Variants in OPCML observed in about 807,000 individuals in gnomAD.
The protein encoded by OPCML is opioid-binding protein/cell adhesion molecule.
Under a neutral mutation model 37.8 loss-of-function variants are expected in OPCML, and 13 were observed. The observed-to-expected ratio is 0.34, with a 90% confidence interval of 0.22 to 0.55. OPCML has a LOEUF of 0.55. OPCML is among the 20% of genes least tolerant of loss of function. The pLI is 0.91. For synonymous variants in OPCML, 176 were observed against 168.8 expected (o/e 1.04, Z -0.33); for missense variants, 341 against 435.6 (o/e 0.78, Z 1.93).
chr11:132,730,666 A>C (rs568642340), intron 2 of OPCML, among the ~76,000 whole-genome samples: 1 of 152,300 alleles, frequency 6.6e-6, no homozygotes, highest in East Asian at 1.9e-4. Context: ...CCTCAAAAGA[A>C]GACGTAATCT....
intron 4 of OPCML, among the ~76,000 whole-genome samples, chr11:132,503,306 C>T (rs1286097600): frequency 1.3e-5 from 2 of 152,230 alleles, no homozygotes; most frequent in East Asian, 3.9e-4. Flanking sequence ...TTATTAGTAC[C>T]TAGAACCAAC....
intron 1 of OPCML, among the ~76,000 whole-genome samples, chr11:133,113,506 G>A (rs1480375987): frequency 6.6e-6 from 1 of 152,170 alleles, no homozygotes; most frequent in Non-Finnish European, 1.5e-5. Flanking sequence ...TTCTTTAAAT[G>A]CCACTAAGCT....
At chr11:132,611,401 CT>C (rs1565709907) in intron 3 of OPCML, among the ~76,000 whole-genome samples, 1 of 152,190 alleles carries the variant, frequency 6.6e-6, no homozygotes, top group African/African-American at 2.4e-5. Context: ...CCTGTGACAC[CT>C]GCAACTAAAA....
At chr11:132,732,424 G>A (rs1197468418) in intron 2 of OPCML, among the ~76,000 whole-genome samples, 1 of 152,140 alleles carries the variant, frequency 6.6e-6, no homozygotes, top group Non-Finnish European at 1.5e-5. Flanking sequence ...AAATGGGGAG[G>A]TATTGATGGG....
At chr11:132,485,981 C>T (rs1305353002) in intron 4 of OPCML, among the ~76,000 whole-genome samples, 1 of 152,176 alleles carries the variant, frequency 6.6e-6, no homozygotes, top group Non-Finnish European at 1.5e-5. Context: ...CCAAAGTGCT[C>T]ACCCTGTTTT....
At chr11:133,261,856 G>T (rs750383379) in intron 1 of OPCML, among the ~76,000 whole-genome samples, 3 of 152,094 alleles carry the variant, frequency 2.0e-5, no homozygotes, top group Admixed American at 2.0e-4. Context: ...GGAATGCAGC[G>T]GGCAGGAGCA....
At chr11:132,844,795 T>A (rs1941448599) in intron 2 of OPCML, among the ~76,000 whole-genome samples, 1 of 152,048 alleles carries the variant, frequency 6.6e-6, no homozygotes, top group African/African-American at 2.4e-5. Context: ...ATGTGGCAAG[T>A]GAGAGTTGGT....
At chr11:133,445,629 A>C (rs1209940862) in intron 1 of OPCML, among the ~76,000 whole-genome samples, 1 of 152,222 alleles carries the variant, frequency 6.6e-6, no homozygotes, top group African/African-American at 2.4e-5. Context: ...GTAAAATTTA[A>C]CTTCAGTTGG....
chr11:132,589,014 T>C (rs2096479313), intron 3 of OPCML, among the ~76,000 whole-genome samples: 1 of 152,208 alleles, frequency 6.6e-6, no homozygotes, highest in African/African-American at 2.4e-5. Flanking sequence ...TCTGGGATTG[T>C]TTATTAGCAC....
intron 1 of OPCML, among the ~76,000 whole-genome samples, chr11:133,098,199 C>T (rs1949032408): frequency 6.6e-6 from 1 of 150,406 alleles, no homozygotes; most frequent in Admixed American, 6.6e-5. Flanking sequence ...CCCAGGTATG[C>T]AAGGCTGGTT....
chr11:133,493,120 C>T (rs12284032), intron 1 of OPCML, among the ~76,000 whole-genome samples: 6,301 of 152,290 alleles, frequency 0.041, 155 homozygotes, highest in South Asian at 0.086. Flanking sequence ...TGATGACAAG[C>T]GCAGGATTGA....
intron 1 of OPCML, among the ~76,000 whole-genome samples, chr11:132,962,372 T>C (rs1946112608): frequency 6.6e-6 from 1 of 152,116 alleles, no homozygotes; most frequent in African/African-American, 2.4e-5. Flanking sequence ...AGACCAAGAG[T>C]GTGCCTGGGA....
intron 1 of OPCML, among the ~76,000 whole-genome samples, chr11:133,171,904 C>T (rs1234183149): frequency 6.6e-6 from 1 of 152,096 alleles, no homozygotes; most frequent in South Asian, 2.1e-4. Flanking sequence ...CTAGGTACTG[C>T]AAGTGTGGTT....
chr11:132,879,422 TTC>T (rs1383794090), intron 2 of OPCML, among the ~76,000 whole-genome samples: 4 of 152,194 alleles, frequency 2.6e-5, no homozygotes, highest in African/African-American at 9.6e-5. Context: ...TTATGAAAGT[TTC>T]TGTGTGTTTC....
intron 2 of OPCML, among the ~76,000 whole-genome samples, chr11:132,773,618 C>T (rs371179672): frequency 1.6e-4 from 24 of 152,186 alleles, no homozygotes; most frequent in African/African-American, 5.8e-4. Context: ...AGCTTTGTAT[C>T]GAAAACTGTG....
At chr11:133,297,577 T>A (rs902434645) in intron 1 of OPCML, 1 of 152,196 alleles carries the variant, frequency 6.6e-6, no homozygotes, top group Non-Finnish European at 1.5e-5. Flanking sequence ...GCTATGTGGT[T>A]CAGATGCTGA....
intron 1 of OPCML, among the ~76,000 whole-genome samples, chr11:132,965,443 T>A (rs973106772): frequency 2.0e-5 from 3 of 152,218 alleles, no homozygotes; most frequent in African/African-American, 7.2e-5. Flanking sequence ...ATGTTAGTAG[T>A]TGTGAATTTC....
intron 2 of OPCML, among the ~76,000 whole-genome samples, chr11:132,677,067 T>G (rs1942743083): frequency 6.6e-6 from 1 of 152,022 alleles, no homozygotes; most frequent in South Asian, 2.1e-4. Context: ...GGATACAAAG[T>G]TAGTATATAA....
chr11:133,228,769 C>A (rs775706376), intron 1 of OPCML, among the ~76,000 whole-genome samples: 9 of 152,264 alleles, frequency 5.9e-5, no homozygotes, highest in Non-Finnish European at 1.3e-4. Flanking sequence ...AATGATTGCA[C>A]CGCACACGCG....
Sources: allele counts gnomAD v4.1 joint callset (sites outside exome capture counted in the v4.1 genomes callset), GRCh38; gene constraint gnomAD v4.1.1; transcripts MANE v1.5; gene names NCBI Gene and HGNC (gene_info 2026-07-23, HGNC 2026-07-21).